Variants in SLC4A4 observed in about 807,000 individuals in gnomAD.
SLC4A4 encodes solute carrier family 4 member 4, also known as electrogenic sodium bicarbonate cotransporter 1.
A neutral mutation model predicts 111.5 loss-of-function variants in SLC4A4; 27 were observed. The ratio of observed to expected loss-of-function variants is 0.24; its 90% CI spans 0.18 to 0.33. The LOEUF is 0.33. SLC4A4 is among the 10% of genes least tolerant of loss of function. The pLI is 1.00. For synonymous variants in SLC4A4, 443 were observed against 463.4 expected, an observed-to-expected ratio of 0.96 and a Z score of 0.57; for missense variants, 909 against 1,315.5, an observed-to-expected ratio of 0.69 and a Z score of 4.78.
At chr4:71,466,884 C>T (rs527982729) in intron 13 of SLC4A4, among the ~76,000 whole-genome samples, 4 of 150,398 alleles carry the variant, frequency 2.7e-5, no homozygotes, top group African/African-American at 9.7e-5. Context: ...CCTTTGCCTT[C>T]TGGCTTCCTC....
At chr4:71,503,788 A>T (rs1423649919) in intron 16 of SLC4A4, among the ~76,000 whole-genome samples, 1 of 152,108 alleles carries the variant, frequency 6.6e-6, no homozygotes, top group Non-Finnish European at 1.5e-5. Context: ...TTATACTTTC[A>T]TGTATTTTCA....
At position 71,569,258 on chromosome 4, in the gene SLC4A4, A is replaced by T. The variant is rs1407203507; in HGVS notation, c.*1507A>T. 6.6e-6 allele frequency: 1 copy of T among 151,704 alleles called. No homozygotes were observed. Among genetic ancestry groups the T allele is most frequent in the Non-Finnish European group, 1.5e-5 (1 of 67,798 alleles). 9.4% of individuals were successfully genotyped at this position (151,704 alleles called of 1,614,324 possible). ...TCCCAGGTATCAGTCATTATAATTG[A>T]TATAATAGCTCTAACATGCAATATA... On this transcript the variant is annotated 3_prime_UTR_variant, in exon 26 of 26. Transcript: ENST00000264485.
Position 71,431,963 on chromosome 4 carries a change from A to T in SLC4A4, c.808-8653A>T, listed in dbSNP as rs149091700. On this transcript the variant is annotated intron_variant, in intron 7 of 25. Transcript: ENST00000264485. ...TCATAATATTTATTACAGCTGAATG[A>T]TATGCAAAGCAAATGTTTGATACAG... 3.5e-4 allele frequency among the ~76,000 whole-genome samples: 54 copies of T among 152,242 alleles called. No individual in the cohort carries two copies. In the East Asian group the frequency reaches 8.7e-3, roughly 25 times the overall value.
intron 22 of SLC4A4, among the ~76,000 whole-genome samples, chr4:71,559,472 A>C (rs1736761351): frequency 6.6e-6 from 1 of 151,870 alleles, no homozygotes; most frequent in African/African-American, 2.4e-5. Context: ...GTATGATAAA[A>C]ATAATAATAC....
intron 3 of SLC4A4, among the ~76,000 whole-genome samples, chr4:71,323,534 C>G (rs749368729): frequency 3.9e-5 from 6 of 151,980 alleles, no homozygotes; most frequent in Non-Finnish European, 8.8e-5. Flanking sequence ...ACTTAAGGCA[C>G]TGGGTACCTT....
At chr4:71,074,502 C>T (rs1741754503) in intron 1 of SLC4A4, among the ~76,000 whole-genome samples, 2 of 151,996 alleles carry the variant, frequency 1.3e-5, no homozygotes, top group South Asian at 2.1e-4. Flanking sequence ...AAATTAAACA[C>T]AGCAAGGTCT....
chr4:71,542,544 C>T (rs998619227), intron 18 of SLC4A4, among the ~76,000 whole-genome samples: 5 of 152,102 alleles, frequency 3.3e-5, no homozygotes, highest in African/African-American at 1.2e-4. Flanking sequence ...CCCATCTTCT[C>T]CTGTGCACCA....
intron 2 of SLC4A4, among the ~76,000 whole-genome samples, chr4:71,153,517 G>A (rs191579302): frequency 5.3e-5 from 8 of 152,182 alleles, no homozygotes; most frequent in South Asian, 2.1e-4. Context: ...TTGGCTAGTC[G>A]TTAGTTAACC....
intron 7 of SLC4A4, among the ~76,000 whole-genome samples, chr4:71,435,421 G>A (rs111530969): frequency 0.2 from 30,010 of 152,016 alleles, 3,294 homozygotes; most frequent in South Asian, 0.42. Context: ...AGATGGATTA[G>A]AGACTTAAAT....
intron 1 of SLC4A4, among the ~76,000 whole-genome samples, chr4:71,074,081 G>A (rs983515437): frequency 6.6e-6 from 1 of 152,094 alleles, no homozygotes; most frequent in Non-Finnish European, 1.5e-5. Flanking sequence ...AGAGAGATTT[G>A]CTTACCTCTA....
rs1295153045 is a variant in SLC4A4 at position 71,228,832 on chromosome 4, A to C, written c.-1-7744A>C. Among the ~76,000 whole-genome samples the C allele has an allele frequency of 3.3e-5, 5 of 152,348 alleles. No homozygotes were observed. The East Asian group carries it at 9.6e-4, about 29-fold the overall frequency. On this transcript the variant is annotated intron_variant, in intron 1 of 25. Transcript: ENST00000264485. ...TTTGCCAGATTTTCCCAAGGTTAAC[A>C]TTTTACAAAGAGGTAGTATAATGTC...
At chr4:71,295,777 G>A (rs1724740021) in intron 3 of SLC4A4, among the ~76,000 whole-genome samples, 1 of 151,974 alleles carries the variant, frequency 6.6e-6, no homozygotes, top group South Asian at 2.1e-4. Flanking sequence ...TCCTGCCTCA[G>A]CCTCCAGAGT....
In SLC4A4 at chr4:71,313,165, A is replaced by G. The variant is rs566002203; in HGVS notation, c.254-26205A>G. 1.3e-4 allele frequency among the ~76,000 whole-genome samples: 20 copies of G among 152,310 alleles called. No homozygotes were observed. In the East Asian group the frequency reaches 3.9e-3, roughly 29 times the overall value. On this transcript the variant is annotated intron_variant, in intron 3 of 25. Coordinates refer to ENST00000264485, the MANE Select transcript of SLC4A4 (RefSeq NM_001098484.3). ...AAACAGAGAGTCAAATCATGAGTGA[A>G]CTTTCATTCACAATTGCTACAAAGA...
At chr4:71,075,573 C>T (rs766184596) in intron 1 of SLC4A4, among the ~76,000 whole-genome samples, 1 of 152,184 alleles carries the variant, frequency 6.6e-6, no homozygotes, top group Non-Finnish European at 1.5e-5. Flanking sequence ...TTTGCCCTTG[C>T]TGTTCACGCT....
At chr4:71,465,364 G>T (rs1727210685) in intron 12 of SLC4A4, among the ~76,000 whole-genome samples, 1 of 151,506 alleles carries the variant, frequency 6.6e-6, no homozygotes, top group Non-Finnish European at 1.5e-5. Flanking sequence ...CTTCATGTAT[G>T]AATAAAGGGT....
At chr4:71,238,795 C>T (rs575849596) in intron 2 of SLC4A4, among the ~76,000 whole-genome samples, 4 of 152,216 alleles carry the variant, frequency 2.6e-5, no homozygotes, top group African/African-American at 7.2e-5. Context: ...GACCCTCCCC[C>T]TTTTTCACCT....
At chr4:71,504,901 C>T (rs977839277) in intron 16 of SLC4A4, among the ~76,000 whole-genome samples, 3 of 151,998 alleles carry the variant, frequency 2.0e-5, no homozygotes, top group Non-Finnish European at 4.4e-5. Flanking sequence ...CCCAACAGAC[C>T]CCAGAGTGTG....
Position 71,255,204 on chromosome 4 carries a change from T to G in SLC4A4, c.74-16T>G. On this transcript the variant is annotated splice_polypyrimidine_tract_variant and intron_variant, in intron 2 of 25. Transcript: ENST00000264485. The stretch of plus-strand genomic sequence containing the variant: ...ATGTGGTTTGAACTGACTGGTGATT[T>G]GTGTACCTTCCTTAGGCCACCATAC... The G allele has an allele frequency of 6.2e-7, 1 of 1,612,628 alleles. No homozygotes were observed. The highest frequency in any genetic ancestry group is 8.5e-7 in the Non-Finnish European group (1 of 1,178,860).
chr4:71,352,057 A>G (rs940927667), intron 5 of SLC4A4, among the ~76,000 whole-genome samples: 2 of 152,216 alleles, frequency 1.3e-5, no homozygotes, highest in African/African-American at 4.8e-5. Flanking sequence ...AGAAGCAAGC[A>G]GAAAGAATTA....
Sources: allele counts gnomAD v4.1 joint callset (sites outside exome capture counted in the v4.1 genomes callset), GRCh38; gene constraint gnomAD v4.1.1; transcripts MANE v1.5; gene names NCBI Gene and HGNC (gene_info 2026-07-23, HGNC 2026-07-21).